The following ACVR1B variants were observed in gnomAD, a reference collection of about 807,000 sequenced individuals.
ACVR1B encodes activin A receptor type 1B.
Under a neutral mutation model 55.6 loss-of-function variants are expected in ACVR1B, and 15 were observed. The observed-to-expected ratio is 0.27, with a 90% CI of 0.18 to 0.42. The LOEUF (loss-of-function observed/expected upper bound fraction) is 0.42. Among genes scored for constraint, ACVR1B ranks in the 10% least tolerant of loss-of-function variants. ACVR1B has a pLI of 1.00. For synonymous variants in ACVR1B, 247 were observed against 254.6 expected, an observed-to-expected ratio of 0.97 and a Z score of 0.28; for missense variants, 359 against 670.1, an observed-to-expected ratio of 0.54 and a Z score of 5.13.
At chr12:51,982,641 A>T (rs1247281988) in intron 4 of ACVR1B, 5 of 1,481,656 alleles carry the variant, frequency 3.4e-6, no homozygotes, top group Middle Eastern at 1.7e-4. Context: ...AGTGTCTACA[A>T]AGCCTACAGA....
intron 1 of ACVR1B, among the ~76,000 whole-genome samples, chr12:51,972,345 C>A (rs1053507472): frequency 1.3e-5 from 2 of 152,216 alleles, no homozygotes; most frequent in African/African-American, 4.8e-5. Flanking sequence ...CACACTGTTA[C>A]ATGATGGTAG....
chr12:51,988,170 C>G (rs1344699474), intron 7 of ACVR1B, among the ~76,000 whole-genome samples: 2 of 152,154 alleles, frequency 1.3e-5, no homozygotes, highest in African/African-American at 2.4e-5. Context: ...TCAGTATATG[C>G]AGTAAAACAG....
At chr12:51,952,426 G>A (rs972138303) in intron 1 of ACVR1B, among the ~76,000 whole-genome samples, 1 of 152,162 alleles carries the variant, frequency 6.6e-6, no homozygotes, top group African/African-American at 2.4e-5. Context: ...GGGAAAGGGA[G>A]TCACATTTCC....
At chr12:51,993,943 C>T in intron 8 of ACVR1B, 42 bp from the exon 9 acceptor site, 1 of 1,609,872 alleles carries the variant, frequency 6.2e-7, no homozygotes, top group Non-Finnish European at 8.5e-7. Flanking sequence ...AAAGGCTTCT[C>T]CAGGGCATGA....
chr12:51,965,588 A>G (rs1322155494), intron 1 of ACVR1B, among the ~76,000 whole-genome samples: 1 of 152,170 alleles, frequency 6.6e-6, no homozygotes, highest in South Asian at 2.1e-4. Flanking sequence ...TCAAAGCACA[A>G]TGGGAGGTAG....
intron 1 of ACVR1B, among the ~76,000 whole-genome samples, chr12:51,958,900 CT>C (rs1941462849): frequency 6.6e-6 from 1 of 152,178 alleles, no homozygotes; most frequent in South Asian, 2.1e-4. Context: ...TTGGGGACCC[CT>C]GATCCAAAGG....
At chr12:51,970,513 T>C (rs1458579183) in intron 1 of ACVR1B, among the ~76,000 whole-genome samples, 1 of 152,184 alleles carries the variant, frequency 6.6e-6, no homozygotes, top group Non-Finnish European at 1.5e-5. Context: ...GGAAACAAAC[T>C]GAAAACATCC....
chr12:51,988,469 A>C (rs538792905), intron 7 of ACVR1B, among the ~76,000 whole-genome samples: 1 of 152,322 alleles, frequency 6.6e-6, no homozygotes, highest in South Asian at 2.1e-4. Flanking sequence ...TCCATCTCAA[A>C]GAAAAAACAA....
At chr12:51,990,289 C>T (rs141931854) in intron 7 of ACVR1B, among the ~76,000 whole-genome samples, 35 of 145,818 alleles carry the variant, frequency 2.4e-4, no homozygotes, top group Non-Finnish European at 4.8e-4. Context: ...GTGAAACTCA[C>T]ACACACACAC....
At chr12:51,976,193 A>C in intron 2 of ACVR1B, 134 bp from the exon 3 acceptor site, 1 of 1,049,152 alleles carries the variant, frequency 9.5e-7, no homozygotes, top group Middle Eastern at 3.1e-4. Context: ...CCAGAAGATT[A>C]GAGAGATCAA....
chr12:51,975,352 A>G lies in ACVR1B; in HGVS notation c.179A>G (p.Asp60Gly), dbSNP rs761131576. ...GACMVSIFNL[D>G]GMEHHVRTCI... Reference sequence around the variant, plus strand: ...TGCATGGTTTCCATTTTCAATCTGGATGGGATGGAGCACCATGTGCGCACC... The same window carrying G: ...TGCATGGTTTCCATTTTCAATCTGGGTGGGATGGAGCACCATGTGCGCACC... Residue 60 changes from aspartate (D) to glycine (G), a missense_variant, in exon 2 of 9, where the codon GAT becomes GGT. By Grantham distance (94) the Asp-to-Gly change is moderately conservative. Transcript: ENST00000257963. 2 of 1,614,050 alleles carry G rather than the reference A, an allele frequency of 1.2e-6. No homozygotes were observed. The highest frequency in any genetic ancestry group is 2.7e-5 in the African/African-American group (2 of 74,922).
intron 1 of ACVR1B, among the ~76,000 whole-genome samples, chr12:51,966,688 A>G (rs1941646943): frequency 6.6e-6 from 1 of 152,082 alleles, no homozygotes; most frequent in Non-Finnish European, 1.5e-5. Context: ...AGCTCAAGAG[A>G]TCCTCCCACC....
Position 51,951,854 on chromosome 12 carries a change from G to T in ACVR1B, c.91+20G>T. Reference sequence around the variant, plus strand: ...TCCAGGGTGAGTCCTGGGACGGGGGGCGGGGGCCGGGATGGAGAGGGCCCG... The same window carrying T: ...TCCAGGGTGAGTCCTGGGACGGGGGTCGGGGGCCGGGATGGAGAGGGCCCG... On this transcript the variant is annotated intron_variant, in intron 1 of 8. Transcript: ENST00000257963. 8.0e-7 allele frequency: 1 copy of T among 1,255,200 alleles called. No individual in the cohort carries two copies. Among genetic ancestry groups the T allele is most frequent in the Non-Finnish European group, 1.0e-6 (1 of 989,488 alleles). 77.8% of individuals were successfully genotyped at this position (1,255,200 alleles called of 1,614,324 possible). A position where few individuals can be genotyped will look rare whatever the true frequency, so the allele number is the denominator to read the frequency against.
At chr12:51,981,893 G>A (rs186570306) in intron 4 of ACVR1B, among the ~76,000 whole-genome samples, 11 of 152,140 alleles carry the variant, frequency 7.2e-5, no homozygotes, top group Admixed American at 2.6e-4. Flanking sequence ...GAGGAATTGC[G>A]GCCTCAACCC....
chr12:51,983,723 A>G (rs1276086915), intron 4 of ACVR1B, among the ~76,000 whole-genome samples: 1 of 152,162 alleles, frequency 6.6e-6, no homozygotes, highest in Non-Finnish European at 1.5e-5. Flanking sequence ...TCACATTTCA[A>G]ATTTGACATA....
Position 51,984,095 on chromosome 12 carries a change from G to A in ACVR1B, c.908G>A (p.Gly303Glu). ...AACCGGTACACAGTGACAATTGAGG[G>A]GATGATTAAGCTGGCCTTGTCTGCT... Reference protein sequence around the residue: ...YLNRYTVTIEGMIKLALSAAS... With the variant: ...YLNRYTVTIEEMIKLALSAAS... The change falls in exon 5 of 9, where the codon GGG becomes GAG. Residue 303 changes from glycine to glutamate, a missense_variant. Physicochemically the swap from Gly to Glu is moderately conservative, Grantham distance 98. Coordinates refer to ENST00000257963, the MANE Select transcript of ACVR1B (RefSeq NM_004302.5). 6.2e-7 allele frequency: 1 copy of A among 1,614,168 alleles called. No individual in the cohort carries two copies. Among genetic ancestry groups the A allele is most frequent in the Non-Finnish European group, 8.5e-7 (1 of 1,180,032 alleles).
At chr12:51,977,720 G>A (rs1240254497) in intron 3 of ACVR1B, among the ~76,000 whole-genome samples, 2 of 145,914 alleles carry the variant, frequency 1.4e-5, no homozygotes, top group African/African-American at 5.1e-5. Flanking sequence ...CTGGGCTCAA[G>A]AGATCCTCCA....
rs1456563617 is a variant in ACVR1B, at chr12:51,965,321, C to A, written c.92-9944C>A. The stretch of plus-strand genomic sequence containing the variant: ...AGGAAACATGGATTAATTTGGTAAG[C>A]AGGGGAAAAAAAGCTAGTAAAGATA... On this transcript the variant is annotated intron_variant, in intron 1 of 8. Transcript: ENST00000257963. 4.5e-4 allele frequency among the ~76,000 whole-genome samples: 68 copies of A among 151,806 alleles called. 1 individual carries two copies. Among genetic ancestry groups the A allele is most frequent in the Non-Finnish European group, 1.6e-4 (11 of 67,938 alleles).
chr12:51,956,943 C>T (rs1180887869), intron 1 of ACVR1B, among the ~76,000 whole-genome samples: 2 of 151,784 alleles, frequency 1.3e-5, no homozygotes, highest in African/African-American at 4.8e-5. Context: ...TATTTATTTA[C>T]TTTTTGGTAG....
Sources: allele counts gnomAD v4.1 joint callset (sites outside exome capture counted in the v4.1 genomes callset), GRCh38; gene constraint gnomAD v4.1.1; transcripts MANE v1.5; gene names NCBI Gene and HGNC (gene_info 2026-07-23, HGNC 2026-07-21).